The following BRD1 variants were observed in gnomAD, a reference collection of about 807,000 sequenced individuals.
BRD1 encodes bromodomain-containing protein 1.
BRD1 carries 24 observed loss-of-function variants against 107.7 expected under a neutral mutation model. That is an observed-to-expected ratio of 0.22 (90% CI 0.16 to 0.31). The LOEUF is 0.31. Among genes scored for constraint, BRD1 ranks in the 10% least tolerant of loss-of-function variants. BRD1 has a pLI of 1.00. For missense variants in BRD1, 1,279 were observed against 1,638.6 expected (o/e 0.78, Z 3.79); for synonymous variants, 744 against 686.1 (o/e 1.08, Z -1.32).
intron 6 of BRD1, among the ~76,000 whole-genome samples, chr22:49,797,462 G>A (rs1328005089): frequency 1.3e-5 from 2 of 152,124 alleles, no homozygotes; most frequent in African/African-American, 4.8e-5. Flanking sequence ...CCTCTTGGTG[G>A]GCACCCAAAA....
At chr22:49,786,663 G>A (rs565408178) in intron 8 of BRD1, among the ~76,000 whole-genome samples, 30 of 152,312 alleles carry the variant, frequency 2.0e-4, no homozygotes, top group African/African-American at 7.0e-4. Flanking sequence ...CAGGTCCTAG[G>A]TCTGTGGGGC....
At chr22:49,813,036 C>T (rs1235220502) in intron 2 of BRD1, among the ~76,000 whole-genome samples, 2 of 152,150 alleles carry the variant, frequency 1.3e-5, no homozygotes, top group African/African-American at 4.8e-5. Context: ...GCTCACAACC[C>T]AGATGACTCA....
intron 8 of BRD1, among the ~76,000 whole-genome samples, chr22:49,781,760 T>C (rs1051720303): frequency 6.6e-6 from 1 of 152,294 alleles, no homozygotes; most frequent in Non-Finnish European, 1.5e-5. Flanking sequence ...CACTATCTCC[T>C]GTTTTCAGTT....
chr22:49,774,369 G>A lies in BRD1; in HGVS notation c.3434C>T (p.Thr1145Ile). The A allele has an allele frequency of 6.2e-7, 1 of 1,614,002 alleles. No individual in the cohort carries two copies. Among genetic ancestry groups the A allele is most frequent in the South Asian group, 1.1e-5 (1 of 91,040 alleles). ...TTCCATCATCTTTAACTTGTCTATA[G>A]TTTCGTCAATACCAAGGGGAACCAT... ...SKMVPLGIDETIDKLKMMEGR... is the reference protein window; with the variant it reads ...SKMVPLGIDEIIDKLKMMEGR... Residue 1145 changes from threonine (T) to isoleucine (I), a missense_variant, in exon 13 of 13, where the codon ACT becomes ATT. Transcript: ENST00000404760.
At chr22:49,807,153 T>G (rs1326890618) in intron 2 of BRD1, 1 of 152,138 alleles carries the variant, frequency 6.6e-6, no homozygotes, top group Non-Finnish European at 1.5e-5. Flanking sequence ...CTAAATGCAC[T>G]AGGGAACGTA....
chr22:49,791,600 C>G (rs1007460078), intron 7 of BRD1, among the ~76,000 whole-genome samples: 4 of 152,186 alleles, frequency 2.6e-5, no homozygotes, highest in Non-Finnish European at 4.4e-5. Context: ...TTATAAGTAT[C>G]GTAAGTCACA....
intron 7 of BRD1, among the ~76,000 whole-genome samples, chr22:49,793,386 TCTC>T (rs1408742850): frequency 6.6e-6 from 1 of 152,148 alleles, no homozygotes; most frequent in African/African-American, 2.4e-5. Flanking sequence ...GCGGATTTCT[TCTC>T]CTACATTTAT....
At position 49,783,255 on chromosome 22, in the gene BRD1, C is replaced by T. The variant is rs1410830728; in HGVS notation, c.2857+4135G>A. 7.2e-5 allele frequency among the ~76,000 whole-genome samples: 11 copies of T among 152,254 alleles called. No individual in the cohort carries two copies. Among genetic ancestry groups the T allele is most frequent in the African/African-American group, 2.4e-4 (10 of 41,466 alleles). ...CCACGAGCAGGACTTCTCAGTTGGC[C>T]GCAGGGGCACTCAGCGTGGTGACCA... On this transcript the variant is annotated intron_variant, in intron 8 of 12. Coordinates refer to ENST00000404760, the MANE Select transcript of BRD1 (RefSeq NM_001304808.3). The surrounding 1 kb of genome is among the most constrained non-coding windows in gnomAD (Gnocchi z 4.2).
At position 49,824,168 on chromosome 22, in the gene BRD1, C is replaced by T; in HGVS notation, c.150G>A (p.Arg50=). ...VEIEIEGRLH[R]ISIFDPLEII... ...TCTCCAGGGGATCAAAAATACTGAT[C>T]CTGTGCAAGCGCCCTTCAATTTCTA... Residue 50 remains arginine, a synonymous_variant, in exon 2 of 13, where the codon AGG becomes AGA. Coordinates refer to ENST00000404760, the MANE Select transcript of BRD1 (RefSeq NM_001304808.3). This position sits in a 1 kb window ranked among gnomAD's most constrained non-coding sequence, Gnocchi z 5.9. The T allele has an allele frequency of 1.9e-6, 3 of 1,613,944 alleles. No homozygotes were observed. The highest frequency in any genetic ancestry group is 1.3e-5 in the African/African-American group (1 of 75,034).
chr22:49,776,641 C>A (rs2059104702), intron 10 of BRD1, among the ~76,000 whole-genome samples: 1 of 152,190 alleles, frequency 6.6e-6, no homozygotes, highest in South Asian at 2.1e-4. Context: ...GGCTGTGCGA[C>A]CCCAAACCCT....
At chr22:49,813,134 T>C (rs555309588) in intron 2 of BRD1, among the ~76,000 whole-genome samples, 1 of 152,312 alleles carries the variant, frequency 6.6e-6, no homozygotes, top group Non-Finnish European at 1.5e-5. Context: ...CTCACCCCTA[T>C]GATCCCAGCA....
chr22:49,814,281 C>A (rs1187164803), intron 2 of BRD1, among the ~76,000 whole-genome samples: 1 of 152,216 alleles, frequency 6.6e-6, no homozygotes, highest in African/African-American at 2.4e-5. Context: ...AGGGCAGGAG[C>A]CCCCGGTGCA....
In BRD1 at chr22:49,823,376, C is replaced by T. The variant is rs2060106078; in HGVS notation, c.942G>A (p.Gly314=). 6.2e-7 allele frequency: 1 copy of T among 1,613,948 alleles called. No homozygotes were observed. Among genetic ancestry groups the T allele is most frequent in the Non-Finnish European group, 8.5e-7 (1 of 1,180,030 alleles). The change falls in exon 2 of 13, where the codon GGG becomes GGA. Residue 314 remains glycine (G), a synonymous_variant. Transcript: ENST00000404760. ...ACCGGGCTGGAGGGATGTTCCTCAC[C>T]CCATCGATGGGCTCGATGAACACCG... ...ANTVFIEPID[G]VRNIPPARWK... is the part of the protein sequence containing the mutation.
At chr22:49,777,938 T>C in intron 8 of BRD1, 125 bp from the exon 9 acceptor site, 2 of 1,292,402 alleles carry the variant, frequency 1.5e-6, no homozygotes, top group Non-Finnish European at 2.1e-6. Flanking sequence ...GACAGCATCT[T>C]CCTTTTCACT....
At chr22:49,782,451 C>A (rs1372519917) in intron 8 of BRD1, among the ~76,000 whole-genome samples, 1 of 145,240 alleles carries the variant, frequency 6.9e-6, no homozygotes, top group Non-Finnish European at 1.5e-5. Flanking sequence ...AAGACTTGCT[C>A]TGTGACAATG....
At chr22:49,822,023 C>T (rs1157047882) in intron 2 of BRD1, among the ~76,000 whole-genome samples, 1 of 152,264 alleles carries the variant, frequency 6.6e-6, no homozygotes. Flanking sequence ...TGTCCCGATG[C>T]CGGCAGTCAC....
rs2059246405 is a variant in BRD1, at chr22:49,783,137, C to T, written c.2857+4253G>A. Reference sequence around the variant, plus strand: ...GCACGAGACCTGCTCTTGCTGGGACCCAGCTCCATGACAATGCAGCTGGGA... The same window carrying T: ...GCACGAGACCTGCTCTTGCTGGGACTCAGCTCCATGACAATGCAGCTGGGA... On this transcript the variant is annotated intron_variant, in intron 8 of 12. Transcript: ENST00000404760. This position sits in a 1 kb window ranked among gnomAD's most constrained non-coding sequence, Gnocchi z 4.2. Among the ~76,000 whole-genome samples, 1 of 151,782 alleles carries T rather than the reference C, an allele frequency of 6.6e-6. No individual in the cohort carries two copies. Among genetic ancestry groups the T allele is most frequent in the South Asian group, 2.1e-4 (1 of 4,804 alleles).
At chr22:49,811,485 C>T (rs182018173) in intron 2 of BRD1, among the ~76,000 whole-genome samples, 3 of 152,280 alleles carry the variant, frequency 2.0e-5, no homozygotes, top group South Asian at 2.1e-4. Flanking sequence ...CAGGACCGAG[C>T]GCCAGCCTGG....
chr22:49,790,068 C>T (rs1175692513), intron 7 of BRD1, among the ~76,000 whole-genome samples: 5 of 152,226 alleles, frequency 3.3e-5, no homozygotes, highest in South Asian at 2.1e-4. Flanking sequence ...CTAAAGGATG[C>T]GTTCCTGCAG....
Sources: allele counts gnomAD v4.1 joint callset (sites outside exome capture counted in the v4.1 genomes callset), GRCh38; gene constraint gnomAD v4.1.1; non-coding constraint Gnocchi (gnomAD v3.1); transcripts MANE v1.5; gene names NCBI Gene and HGNC (gene_info 2026-07-23, HGNC 2026-07-21).